The following ADGRL2 variants were observed in gnomAD, a reference collection of about 807,000 sequenced individuals.
ADGRL2 encodes calcium-independent alpha-latrotoxin receptor 2.
ADGRL2 carries 44 observed loss-of-function variants against 157.4 expected under a neutral mutation model. The observed-to-expected ratio is 0.28, with a 90% CI of 0.22 to 0.36. The LOEUF is 0.36. ADGRL2 is among the 10% of genes least tolerant of loss of function. ADGRL2 has a pLI of 1.00. For synonymous variants in ADGRL2, 585 were observed against 624.7 expected, an observed-to-expected ratio of 0.94 and a Z score of 0.95; for missense variants, 1,510 against 1,768.9, an observed-to-expected ratio of 0.85 and a Z score of 2.63.
At chr1:81,453,989 C>T (rs2077750909) in intron 2 of ADGRL2, among the ~76,000 whole-genome samples, 1 of 152,086 alleles carries the variant, frequency 6.6e-6, no homozygotes, top group Admixed American at 6.6e-5. Context: ...TGTGAAGCTC[C>T]AATACACAGC....
chr1:81,312,738 AG>A (rs1008483180), intron 1 of ADGRL2, among the ~76,000 whole-genome samples: 1 of 152,158 alleles, frequency 6.6e-6, no homozygotes, highest in Non-Finnish European at 1.5e-5. Context: ...GGATTCAGAG[AG>A]GGATGGAGCA....
chr1:81,553,299 T>A (rs2080195166), intron 2 of ADGRL2, among the ~76,000 whole-genome samples: 1 of 152,236 alleles, frequency 6.6e-6, no homozygotes, highest in African/African-American at 2.4e-5. Context: ...AAGGGCATTA[T>A]TTACATATAA....
chr1:81,953,358 T>C (rs1652460355), intron 10 of ADGRL2, among the ~76,000 whole-genome samples: 1 of 152,192 alleles, frequency 6.6e-6, no homozygotes, highest in African/African-American at 2.4e-5. Context: ...AGCTATGATA[T>C]ATTCTCGGCA....
chr1:81,964,586 T>C (rs1224023508), intron 11 of ADGRL2, among the ~76,000 whole-genome samples: 1 of 152,134 alleles, frequency 6.6e-6, no homozygotes, highest in East Asian at 1.9e-4. Flanking sequence ...AATGTTATTA[T>C]ATTTACACCT....
chr1:81,944,330 A>T (rs1649067904), intron 6 of ADGRL2, among the ~76,000 whole-genome samples: 1 of 152,072 alleles, frequency 6.6e-6, no homozygotes, highest in South Asian at 2.1e-4. Flanking sequence ...TATTTCTGTG[A>T]CTTTAACGAT....
chr1:81,854,746 T>C (rs928733565), intron 2 of ADGRL2, among the ~76,000 whole-genome samples: 2 of 152,072 alleles, frequency 1.3e-5, no homozygotes, highest in Non-Finnish European at 2.9e-5. Context: ...ACAGCAGAGA[T>C]ATCTGAATGA....
chr1:81,606,609 G>C (rs1452991663), intron 3 of ADGRL2, among the ~76,000 whole-genome samples: 1 of 152,110 alleles, frequency 6.6e-6, no homozygotes, highest in Non-Finnish European at 1.5e-5. Context: ...GAATTTGGCT[G>C]TGAACTCCAT....
At chr1:81,545,195 C>A (rs2148349459) in intron 2 of ADGRL2, among the ~76,000 whole-genome samples, 1 of 151,784 alleles carries the variant, frequency 6.6e-6, no homozygotes, top group African/African-American at 2.4e-5. Flanking sequence ...GATCGAGGTT[C>A]AAAACACTAA....
intron 1 of ADGRL2, among the ~76,000 whole-genome samples, chr1:81,358,136 A>G (rs1663451150): frequency 6.6e-6 from 1 of 152,202 alleles, no homozygotes; most frequent in Non-Finnish European, 1.5e-5. Flanking sequence ...TTCCCTTGTC[A>G]ACATAATTTG....
At chr1:81,597,753 C>G (rs911024117) in intron 3 of ADGRL2, among the ~76,000 whole-genome samples, 25 of 152,092 alleles carry the variant, frequency 1.6e-4, no homozygotes, top group African/African-American at 6.0e-4. Context: ...CCCAATAAAC[C>G]CATCAAAAGG....
chr1:81,889,790 G>T (rs1180287462), intron 2 of ADGRL2, among the ~76,000 whole-genome samples: 1 of 152,116 alleles, frequency 6.6e-6, no homozygotes, highest in Non-Finnish European at 1.5e-5. Context: ...TCTTGTTAGG[G>T]GCTAATGCAG....
Position 81,986,933 on chromosome 1 carries a change from C to T in ADGRL2, c.3541C>T (p.Leu1181Phe). ...TGGCAATTACCTACTAACAAACCCTCTTCTTCGACCCCACGGCACTAACAA... is the reference window on the plus strand; with the variant it reads ...TGGCAATTACCTACTAACAAACCCTTTTCTTCGACCCCACGGCACTAACAA... The part of the protein sequence containing the change: ...MTGNYLLTNP[L>F]LRPHGTNNPY... The change falls in exon 22 of 24, where the codon CTT (leucine) becomes TTT (phenylalanine). Residue 1181 changes from leucine (L) to phenylalanine (F), a missense_variant. Physicochemically the swap from Leu to Phe is conservative, Grantham distance 22. Coordinates refer to ENST00000686636, the MANE Select transcript of ADGRL2 (RefSeq NM_001366006.2). 6.2e-7 allele frequency: 1 copy of T among 1,610,970 alleles called. No homozygotes were observed. Among genetic ancestry groups the T allele is most frequent in the Non-Finnish European group, 8.5e-7 (1 of 1,178,966 alleles).
At chr1:81,489,501 G>A (rs1163698302) in intron 2 of ADGRL2, among the ~76,000 whole-genome samples, 2 of 152,118 alleles carry the variant, frequency 1.3e-5, no homozygotes, top group East Asian at 3.9e-4. Context: ...CATACACACT[G>A]TGGAAGTCCC....
intron 2 of ADGRL2, among the ~76,000 whole-genome samples, chr1:81,773,794 C>T (rs142899251): frequency 8.1e-4 from 123 of 152,172 alleles, no homozygotes; most frequent in African/African-American, 2.8e-3. Flanking sequence ...TGAATTGTGT[C>T]GTCTCAAATT....
intron 1 of ADGRL2, among the ~76,000 whole-genome samples, chr1:81,349,561 C>A (rs1365999522): frequency 6.7e-6 from 1 of 149,736 alleles, no homozygotes; most frequent in Admixed American, 6.7e-5. Context: ...TTCTACCCCA[C>A]CCCCACCTAT....
intron 3 of ADGRL2, among the ~76,000 whole-genome samples, chr1:81,673,470 A>G (rs1236767457): frequency 6.6e-6 from 1 of 150,958 alleles, no homozygotes; most frequent in East Asian, 1.9e-4. Context: ...TATATATGCT[A>G]CTAGAAGGTG....
chr1:81,679,906 C>A (rs1276668087), intron 3 of ADGRL2, among the ~76,000 whole-genome samples: 1 of 152,040 alleles, frequency 6.6e-6, no homozygotes. Flanking sequence ...TTCTTGGGAC[C>A]CTCAAGAGCA....
chr1:81,599,832 G>T (rs1021196706), intron 3 of ADGRL2, among the ~76,000 whole-genome samples: 2 of 152,104 alleles, frequency 1.3e-5, no homozygotes, highest in Non-Finnish European at 2.9e-5. Flanking sequence ...AGGCTTATCA[G>T]ATGTAATCTA....
intron 2 of ADGRL2, among the ~76,000 whole-genome samples, chr1:81,554,856 C>T (rs1362704177): frequency 6.6e-6 from 1 of 152,014 alleles, no homozygotes; most frequent in African/African-American, 2.4e-5. Flanking sequence ...AAGAGAAAGA[C>T]TATATGATCC....
Sources: allele counts gnomAD v4.1 joint callset (sites outside exome capture counted in the v4.1 genomes callset), GRCh38; gene constraint gnomAD v4.1.1; transcripts MANE v1.5; gene names NCBI Gene and HGNC (gene_info 2026-07-23, HGNC 2026-07-21).